Variants in ARID3B observed in about 807,000 individuals in gnomAD.
The protein encoded by ARID3B is AT-rich interaction domain 3B.
A neutral mutation model predicts 51.9 loss-of-function variants in ARID3B; 10 were observed. That is an observed-to-expected ratio of 0.19 (90% confidence interval 0.12 to 0.33). The LOEUF (loss-of-function observed/expected upper bound fraction) is 0.33, where lower values mean the gene tolerates loss of function less well. Ranked by LOEUF, ARID3B falls within the 10% of genes least tolerant of loss-of-function variation. The pLI, the probability that ARID3B is intolerant of heterozygous loss-of-function variation, is 1.00. For synonymous variants in ARID3B, 205 were observed against 279.5 expected, an observed-to-expected ratio of 0.73 and a Z score of 2.66; for missense variants, 483 against 716.3, an observed-to-expected ratio of 0.67 and a Z score of 3.72.
rs529328355 is a variant in ARID3B at position 74,597,257 on chromosome 15, G to A, written c.*1483G>A. 4.3e-5 allele frequency: 16 copies of A among 375,842 alleles called. No individual in the cohort carries two copies. Among genetic ancestry groups the A allele is most frequent in the South Asian group, 1.7e-4 (6 of 35,522 alleles). 23.3% of individuals were successfully genotyped at this position (375,842 alleles called of 1,614,324 possible). A position where few individuals can be genotyped will look rare whatever the true frequency, so the allele number is the denominator to read the frequency against. ...CTGTAAAGAAAATTGATTCGCTTGC[G>A]GCTCACCTCAGTCGAGGAAGCCCTG... On this transcript the variant is annotated 3_prime_UTR_variant, in exon 9 of 9. Transcript: ENST00000346246.
At chr15:74,582,693 C>T (rs2061766225) in intron 4 of ARID3B, among the ~76,000 whole-genome samples, 1 of 152,100 alleles carries the variant, frequency 6.6e-6, no homozygotes, top group African/African-American at 2.4e-5. Context: ...CTAAACATAC[C>T]TGGACCTTGT....
chr15:74,585,280 C>G (rs1055809846), intron 4 of ARID3B, among the ~76,000 whole-genome samples: 21 of 152,056 alleles, frequency 1.4e-4, no homozygotes, highest in Non-Finnish European at 2.8e-4. Context: ...ACAGAGGCCT[C>G]TCTCTCTCAG....
intron 2 of ARID3B, 127 bp from the exon 3 acceptor site, chr15:74,572,735 A>G: frequency 8.0e-6 from 7 of 872,078 alleles, no homozygotes; most frequent in Non-Finnish European, 1.3e-5. Flanking sequence ...GTTGTCTTTT[A>G]TAGTATGAGT....
intron 4 of ARID3B, among the ~76,000 whole-genome samples, chr15:74,582,274 T>C (rs2061764766): frequency 2.6e-5 from 4 of 152,044 alleles, no homozygotes; most frequent in Admixed American, 2.6e-4. Flanking sequence ...TTCACGCCAT[T>C]CTCCTGCCTC....
At chr15:74,564,891 A>G (rs1185255757) in intron 2 of ARID3B, among the ~76,000 whole-genome samples, 6 of 151,946 alleles carry the variant, frequency 3.9e-5, no homozygotes, top group African/African-American at 1.2e-4. Flanking sequence ...ATGAGCCACC[A>G]TGTCTGGCCT....
intron 2 of ARID3B, among the ~76,000 whole-genome samples, chr15:74,549,370 C>T (rs1475830086): frequency 2.6e-5 from 4 of 152,098 alleles, no homozygotes; most frequent in East Asian, 1.9e-4. Context: ...CCACTGCGCC[C>T]GGCCGGGATA....
chr15:74,542,442 C>T (rs182274285), intron 1 of ARID3B, among the ~76,000 whole-genome samples: 66 of 152,240 alleles, frequency 4.3e-4, no homozygotes, highest in African/African-American at 1.6e-3. Flanking sequence ...ACACAAAAGG[C>T]ACAAACAGGG....
At chr15:74,571,437 G>C (rs151174377) in intron 2 of ARID3B, among the ~76,000 whole-genome samples, 282 of 152,322 alleles carry the variant, frequency 1.9e-3, no homozygotes, top group African/African-American at 6.5e-3. Context: ...TGGTCCTGTG[G>C]GAGAAATGAA....
At chr15:74,578,156 C>G (rs2061744747) in intron 4 of ARID3B, among the ~76,000 whole-genome samples, 2 of 134,756 alleles carry the variant, frequency 1.5e-5, no homozygotes, top group East Asian at 2.0e-4. Flanking sequence ...CGCACCTGGC[C>G]TGTCTTTTTT....
chr15:74,555,861 C>T (rs1042789323), intron 2 of ARID3B, among the ~76,000 whole-genome samples: 6 of 146,790 alleles, frequency 4.1e-5, no homozygotes, highest in Non-Finnish European at 6.0e-5. Flanking sequence ...GCACAATCTC[C>T]GCTCACTGCA....
intron 4 of ARID3B, among the ~76,000 whole-genome samples, chr15:74,588,366 A>G (rs1053799852): frequency 6.6e-6 from 1 of 152,100 alleles, no homozygotes; most frequent in African/African-American, 2.4e-5. Context: ...GCTGCCATTC[A>G]GAGCTGAGAA....
Position 74,591,129 on chromosome 15 carries a change from C to T in ARID3B, c.882-22C>T. 1 of 1,571,456 alleles carries T rather than the reference C, an allele frequency of 6.4e-7. No homozygotes were observed. Among genetic ancestry groups the T allele is most frequent in the Non-Finnish European group, 8.7e-7 (1 of 1,153,490 alleles). The stretch of plus-strand genomic sequence containing the variant: ...CTGGTGCTGTTTTGGATTATTCTCC[C>T]TGCTTGCTTCCTTTCCTCCAGGTAC... On this transcript the variant is annotated intron_variant, in intron 5 of 8. Transcript: ENST00000346246. This position sits in a 1 kb window ranked among gnomAD's most constrained non-coding sequence, Gnocchi z 5.8.
chr15:74,560,031 T>TAAAAAAAAAAAATAAAAAAAAAAA (rs71137394), intron 2 of ARID3B, among the ~76,000 whole-genome samples: 1 of 35,640 alleles, frequency 2.8e-5, no homozygotes, highest in East Asian at 7.5e-4. Flanking sequence ...CTGTCTCTAC[T>TAAAAAAAAAAAATAAAAAAAAAAA]AAAAAAAAAA....
At position 74,571,061 on chromosome 15, in the gene ARID3B, G is replaced by A. The variant is rs148613662; in HGVS notation, c.553-1801G>A. Among the ~76,000 whole-genome samples the A allele has an allele frequency of 2.6e-5, 4 of 152,234 alleles. No individual in the cohort carries two copies. The East Asian group carries it at 7.7e-4, about 29-fold the overall frequency. ...TAGATAAGCAGGGAAACAATTTGATGTAGTCTGTTTCATTTTAACTGACAG... is the reference window on the plus strand; with the variant it reads ...TAGATAAGCAGGGAAACAATTTGATATAGTCTGTTTCATTTTAACTGACAG... On this transcript the variant is annotated intron_variant, in intron 2 of 8. Transcript: ENST00000346246.
intron 2 of ARID3B, among the ~76,000 whole-genome samples, chr15:74,547,119 T>C (rs1398688486): frequency 6.6e-6 from 1 of 152,028 alleles, no homozygotes; most frequent in South Asian, 2.1e-4. Context: ...CCAGCAACAA[T>C]TACAAAGACC....
chr15:74,573,176 T>C lies in ARID3B; in HGVS notation c.669T>C (p.Asp223=), dbSNP rs1179657235. 1 of 1,614,214 alleles carries C rather than the reference T, an allele frequency of 6.2e-7. No individual in the cohort carries two copies. The highest frequency in any genetic ancestry group is 8.5e-7 in the Non-Finnish European group (1 of 1,180,042). ...ATCCTGAAAGGAAAGAGTTCCTGGA[T>C]GACCTCTTCGTCTTTATGCAGAAGA... ...DGDPERKEFL[D]DLFVFMQKRG... The change falls in exon 4 of 9, where the codon GAT becomes GAC. Residue 223 remains aspartate (D), a synonymous_variant. Transcript: ENST00000346246.
chr15:74,587,305 A>T (rs2141477068), intron 4 of ARID3B, among the ~76,000 whole-genome samples: 1 of 152,324 alleles, frequency 6.6e-6, no homozygotes, highest in South Asian at 2.1e-4. Flanking sequence ...GCCAAAAAGG[A>T]AGATGCCTTT....
chr15:74,544,549 A>G (rs1162390828), intron 2 of ARID3B, 61 bp downstream of exon 2: 8 of 1,545,256 alleles, frequency 5.2e-6, no homozygotes, highest in Non-Finnish European at 7.0e-6. Flanking sequence ...GGGGTCATGG[A>G]CTGACAGGGT....
intron 3 of ARID3B, 58 bp downstream of exon 3, chr15:74,572,991 G>A: frequency 1.9e-6 from 3 of 1,602,322 alleles, no homozygotes; most frequent in Non-Finnish European, 2.6e-6. Flanking sequence ...GCTTGTTACA[G>A]CTGATTCCCA....
Sources: gnomAD v4.1 joint callset for allele counts (sites outside exome capture counted in the v4.1 genomes callset) on GRCh38, gnomAD v4.1.1 for gene constraint, Gnocchi (gnomAD v3.1) non-coding constraint, MANE v1.5 for transcripts, NCBI Gene and HGNC (gene_info 2026-07-23, HGNC 2026-07-21) for gene names.